Variants in ADCY2 observed in about 807,000 individuals in gnomAD.
The protein encoded by ADCY2 is adenylate cyclase type 2.
In ADCY2, 31 loss-of-function variants were observed where a neutral mutation model predicts 125.2. The observed-to-expected ratio is 0.25, with a 90% CI of 0.19 to 0.33. ADCY2 has a LOEUF of 0.33. ADCY2 is among the 10% of genes least tolerant of loss of function. The probability of loss-of-function intolerance (pLI) is 1.00; values close to 1 mark genes in which losing one functional copy is unlikely to be tolerated. For synonymous variants in ADCY2, 512 were observed against 548.4 expected, an observed-to-expected ratio of 0.93 and a Z score of 0.93; for missense variants, 904 against 1,418.2, an observed-to-expected ratio of 0.64 and a Z score of 5.82.
chr5:7,442,570 AG>A (rs1225013338), intron 2 of ADCY2, among the ~76,000 whole-genome samples: 3 of 151,748 alleles, frequency 2.0e-5, no homozygotes, highest in Non-Finnish European at 4.4e-5. Context: ...GTGGACTCAG[AG>A]GGTGACAAAC....
intron 4 of ADCY2, 89 bp downstream of exon 4, chr5:7,626,405 T>G: frequency 7.0e-7 from 1 of 1,424,892 alleles, no homozygotes; most frequent in East Asian, 2.4e-5. Context: ...GTTCATTCAT[T>G]CATGAGCTTC....
At chr5:7,497,667 C>T (rs1296452954) in intron 2 of ADCY2, among the ~76,000 whole-genome samples, 1 of 151,880 alleles carries the variant, frequency 6.6e-6, no homozygotes, top group Admixed American at 6.6e-5. Context: ...AATAAACTTT[C>T]ACGTACAAGC....
intron 23 of ADCY2, among the ~76,000 whole-genome samples, 176 bp downstream of exon 23, chr5:7,817,156 A>C (rs1339172405): frequency 6.7e-6 from 1 of 150,248 alleles, no homozygotes; most frequent in Admixed American, 6.6e-5. Flanking sequence ...AAAAAAAAAA[A>C]CCCTTTGATT....
chr5:7,497,358 A>G (rs1743377740), intron 2 of ADCY2, among the ~76,000 whole-genome samples: 1 of 152,210 alleles, frequency 6.6e-6, no homozygotes, highest in East Asian at 1.9e-4. Context: ...GCTGGAACAG[A>G]AATAGTTTCA....
intron 3 of ADCY2, among the ~76,000 whole-genome samples, chr5:7,575,865 C>T (rs1736230521): frequency 6.6e-6 from 1 of 152,132 alleles, no homozygotes; most frequent in Non-Finnish European, 1.5e-5. Context: ...AAATCTGCAT[C>T]TTTAAAATGA....
intron 3 of ADCY2, among the ~76,000 whole-genome samples, chr5:7,583,855 C>A (rs187150563): frequency 6.6e-6 from 1 of 152,120 alleles, no homozygotes; most frequent in African/African-American, 2.4e-5. Context: ...AATGGCTATA[C>A]AAACTATGAA....
intron 3 of ADCY2, among the ~76,000 whole-genome samples, chr5:7,584,851 G>T (rs150738890): frequency 6.6e-6 from 1 of 152,106 alleles, no homozygotes; most frequent in Non-Finnish European, 1.5e-5. Flanking sequence ...GCCAAAATGC[G>T]TGAAATGAAT....
At chr5:7,435,399 G>A (rs1740759269) in intron 2 of ADCY2, among the ~76,000 whole-genome samples, 1 of 152,184 alleles carries the variant, frequency 6.6e-6, no homozygotes, top group South Asian at 2.1e-4. Flanking sequence ...ACATCTGCCA[G>A]TGGGAGAACC....
At chr5:7,429,877 A>C (rs1273159445) in intron 2 of ADCY2, among the ~76,000 whole-genome samples, 1 of 152,198 alleles carries the variant, frequency 6.6e-6, no homozygotes, top group Non-Finnish European at 1.5e-5. Context: ...AAGGAACAGA[A>C]AACAACAAAA....
chr5:7,672,852 G>A (rs1403203726), intron 4 of ADCY2, among the ~76,000 whole-genome samples: 1 of 152,082 alleles, frequency 6.6e-6, no homozygotes, highest in Non-Finnish European at 1.5e-5. Flanking sequence ...GGTGCTCAAG[G>A]CCTGAACTAT....
chr5:7,441,774 A>T (rs1741025250), intron 2 of ADCY2, among the ~76,000 whole-genome samples: 1 of 152,138 alleles, frequency 6.6e-6, no homozygotes, highest in Non-Finnish European at 1.5e-5. Flanking sequence ...TAATCAATTG[A>T]CTTCAAAGAG....
At chr5:7,719,385 A>G (rs1741692127) in intron 12 of ADCY2, among the ~76,000 whole-genome samples, 1 of 152,214 alleles carries the variant, frequency 6.6e-6, no homozygotes, top group Non-Finnish European at 1.5e-5. Flanking sequence ...GCTCTTATGC[A>G]TATATTTTTG....
Position 7,829,552 on chromosome 5 carries a change from G to GA in ADCY2, c.*2693dup, listed in dbSNP as rs10714753. ...CAGGTCCCAGTGCCATTGGCTTCAA[G>GA]AAAAAAAAAAAATCTCTCCCCAATG... On this transcript the variant is annotated 3_prime_UTR_variant, in exon 25 of 25. Coordinates refer to ENST00000338316, the MANE Select transcript of ADCY2 (RefSeq NM_020546.3). 0.011 allele frequency: 1,696 copies of GA among 149,658 alleles called. 14 individuals are homozygous for GA. Among genetic ancestry groups the GA allele is most frequent in the Middle Eastern group, 0.024 (7 of 294 alleles). The allele number at this position is 149,658 out of a possible 1,614,324, so 9.3% of individuals were successfully genotyped here. A position where few individuals can be genotyped will look rare whatever the true frequency, so the allele number is the denominator to read the frequency against.
chr5:7,759,262 C>T (rs1743116871), intron 16 of ADCY2, among the ~76,000 whole-genome samples: 1 of 152,146 alleles, frequency 6.6e-6, no homozygotes, highest in South Asian at 2.1e-4. Flanking sequence ...TCAGGAGCTC[C>T]CCAAGAAAGA....
chr5:7,490,019 A>C (rs1743100188), intron 2 of ADCY2, among the ~76,000 whole-genome samples: 1 of 151,908 alleles, frequency 6.6e-6, no homozygotes, highest in South Asian at 2.1e-4. Context: ...CATTTAATGC[A>C]GAAGTAAAGA....
At chr5:7,810,489 T>G (rs887824806) in intron 22 of ADCY2, among the ~76,000 whole-genome samples, 2 of 151,498 alleles carry the variant, frequency 1.3e-5, no homozygotes, top group African/African-American at 4.9e-5. Context: ...TATCTACCTG[T>G]TTGGTGGGTT....
At chr5:7,434,045 C>T (rs1740706874) in intron 2 of ADCY2, among the ~76,000 whole-genome samples, 2 of 152,144 alleles carry the variant, frequency 1.3e-5, no homozygotes, top group Admixed American at 6.5e-5. Context: ...GAAATCTCCT[C>T]ATGACGTCAA....
intron 18 of ADCY2, 103 bp from the exon 19 acceptor site, chr5:7,784,262 C>A: frequency 1.2e-6 from 1 of 829,012 alleles, no homozygotes; most frequent in Non-Finnish European, 2.0e-6. Flanking sequence ...ATGATGTAGA[C>A]AGGCACTAGA....
At chr5:7,590,162 C>T (rs1736807850) in intron 3 of ADCY2, among the ~76,000 whole-genome samples, 1 of 152,108 alleles carries the variant, frequency 6.6e-6, no homozygotes, top group Admixed American at 6.5e-5. Flanking sequence ...GGAGTCACCG[C>T]ACTTCAACTA....
Sources: allele counts gnomAD v4.1 joint callset (sites outside exome capture counted in the v4.1 genomes callset), GRCh38; gene constraint gnomAD v4.1.1; transcripts MANE v1.5; gene names NCBI Gene and HGNC (gene_info 2026-07-23, HGNC 2026-07-21).